Variants in METTL17 observed in about 807,000 individuals in gnomAD.
The protein encoded by METTL17 is ribosome assembly protein METTL17, mitochondrial.
Under a neutral mutation model 59.4 loss-of-function variants are expected in METTL17, and 49 were observed. The ratio of observed to expected loss-of-function variants is 0.82; its 90% confidence interval spans 0.66 to 1.05. The LOEUF is 1.05. METTL17 is among the 50% of genes least tolerant of loss of function. METTL17 has a pLI of 0.00. For synonymous variants in METTL17, 208 were observed against 209.2 expected (o/e 0.99, Z 0.05); for missense variants, 555 against 578.4 (o/e 0.96, Z 0.41).
In METTL17 at chr14:20,995,263, C is replaced by T. The variant is rs371822701; in HGVS notation, c.945+30C>T. ...GGCTTCTTCTTCCCTCACTCCCCCA[C>T]CCATATGGCACCAATTACTGTTACT... On this transcript the variant is annotated intron_variant, in intron 10 of 13. Coordinates refer to ENST00000339374, the MANE Select transcript of METTL17 (RefSeq NM_022734.3). 4.5e-6 allele frequency: 7 copies of T among 1,555,118 alleles called. No homozygotes were observed. In the East Asian group the frequency reaches 1.6e-4, roughly 35 times the overall value.
intron 6 of METTL17, 59 bp from the exon 7 acceptor site, chr14:20,993,910 T>C: frequency 7.4e-7 from 1 of 1,347,328 alleles, no homozygotes; most frequent in Non-Finnish European, 1.1e-6. Flanking sequence ...AATGGGCCTC[T>C]TGTAGAGATG....
intron 7 of METTL17, 145 bp downstream of exon 7, chr14:20,994,208 T>A: frequency 1.6e-6 from 1 of 642,408 alleles, no homozygotes; most frequent in Non-Finnish European, 2.7e-6. Flanking sequence ...CAAAGGGTGG[T>A]ATTAGAGGTT....
At chr14:20,993,373 A>G in intron 6 of METTL17, 182 bp downstream of exon 6, 2 of 493,010 alleles carry the variant, frequency 4.1e-6, no homozygotes, top group East Asian at 3.1e-5. Context: ...CCAGAACTTA[A>G]AAGAAATGTC....
At chr14:20,992,276 T>C in intron 4 of METTL17, 71 bp downstream of exon 4, 2 of 946,016 alleles carry the variant, frequency 2.1e-6, no homozygotes, top group Non-Finnish European at 3.3e-6. Context: ...GGGAGTACAA[T>C]TACACAATCA....
At position 20,993,422 on chromosome 14, in the gene METTL17, AAAG is replaced by A. The variant is rs1880148294; in HGVS notation, c.602+232_602+234del. ...CGCATGTGTAGAAAAATTAAAAAGA[AAAG>A]GAATTATCAATCAAAGTTGTTTTTG... is the stretch of plus-strand genomic sequence containing the variant. On this transcript the variant is annotated intron_variant, in intron 6 of 13. Transcript: ENST00000339374. 34 of 492,780 alleles carry A rather than the reference AAAG, an allele frequency of 6.9e-5. 2 individuals are homozygous for A. The Admixed American group carries it at 1.2e-3, about 18-fold the overall frequency. The allele number at this position is 492,780 out of a possible 1,614,324, so 30.5% of individuals were successfully genotyped here. A position where few individuals can be genotyped will look rare whatever the true frequency, so the allele number is the denominator to read the frequency against.
chr14:20,990,206 C>A, intron 1 of METTL17, 24 bp from the exon 2 acceptor site: 7 of 1,614,058 alleles, frequency 4.3e-6, no homozygotes, highest in South Asian at 2.2e-5. Context: ...GCCAGGAAAT[C>A]AACCTACCTT....
Position 20,994,858 on chromosome 14 carries a change from C to T in METTL17, c.833C>T (p.Thr278Ile), listed in dbSNP as rs200724162. The change falls in exon 9 of 14, where the codon ACT (threonine) becomes ATT (isoleucine). Residue 278 changes from threonine (T) to isoleucine (I), a missense_variant. Physicochemically the swap from Thr to Ile is moderately conservative, Grantham distance 89. Transcript: ENST00000339374. ...LSELPSKADR[T>I]EVVQTLWRKT... is the part of the protein sequence containing the mutation. ...GAACTGCCCAGCAAGGCTGACCGCA[C>T]TGAGGTAGTTCAAACCTTATGGCGT... 217 of 1,614,022 alleles carry T rather than the reference C, an allele frequency of 1.3e-4. 1 individual carries two copies. Among genetic ancestry groups the T allele is most frequent in the Admixed American group, 6.7e-5 (4 of 60,012 alleles).
At chr14:20,991,885 G>A in intron 3 of METTL17, 1 of 407,042 alleles carries the variant, frequency 2.5e-6, no homozygotes, top group Non-Finnish European at 4.4e-6. Flanking sequence ...TGTGGGACAG[G>A]ATTGGTTAAG....
At chr14:20,992,721 C>CG in intron 5 of METTL17, 99 bp downstream of exon 5, 1 of 941,486 alleles carries the variant, frequency 1.1e-6, no homozygotes, top group Non-Finnish European at 1.7e-6. Context: ...ATTGCATATG[C>CG]ATTTTTTTTT....
At chr14:20,995,367 C>A in intron 10 of METTL17, 134 bp downstream of exon 10, 1 of 772,382 alleles carries the variant, frequency 1.3e-6, no homozygotes, top group Non-Finnish European at 2.2e-6. Context: ...CATTATGATA[C>A]AGAGCAGTGG....
At chr14:20,991,219 C>T (rs939219185) in intron 3 of METTL17, among the ~76,000 whole-genome samples, 1 of 152,140 alleles carries the variant, frequency 6.6e-6, no homozygotes, top group East Asian at 1.9e-4. Context: ...AAAATAAAGT[C>T]CCTGGATGGT....
chr14:20,992,552 G>A lies in METTL17; in HGVS notation c.458G>A (p.Gly153Glu). ...YHWQELSYTEGLSLVYMAARL... is the reference protein window; with the variant it reads ...YHWQELSYTEELSLVYMAARL... ...GATTTTAATGGCAGCTACACTGAGG[G>A]ACTGAGCCTGGTGTATATGGCAGCA... Residue 153 changes from glycine to glutamate, a missense_variant, in exon 5 of 14, where the codon GGA (glycine) becomes GAA (glutamate). Physicochemically the swap from Gly to Glu is moderately conservative, Grantham distance 98. Transcript: ENST00000339374. 3 of 1,613,652 alleles carry A rather than the reference G, an allele frequency of 1.9e-6. No homozygotes were observed. Among genetic ancestry groups the A allele is most frequent in the Middle Eastern group, 1.6e-4 (1 of 6,062 alleles).
rs757594488 is a variant in METTL17, at chr14:20,990,214, C to G, written c.76-16C>G. ...CCTTTCTGCCAGGAAATCAACCTACCTTTCTCTGCCTGCAGGCGCTCGCCG... is the reference window on the plus strand; with the variant it reads ...CCTTTCTGCCAGGAAATCAACCTACGTTTCTCTGCCTGCAGGCGCTCGCCG... On this transcript the variant is annotated splice_polypyrimidine_tract_variant and intron_variant, in intron 1 of 13. Coordinates refer to ENST00000339374, the MANE Select transcript of METTL17 (RefSeq NM_022734.3). 8.7e-6 allele frequency: 14 copies of G among 1,614,158 alleles called. No individual in the cohort carries two copies. Among genetic ancestry groups the G allele is most frequent in the Admixed American group, 3.3e-5 (2 of 60,032 alleles).
At chr14:20,990,164 C>T (rs1218060564) in intron 1 of METTL17, 66 bp from the exon 2 acceptor site, 1 of 747,418 alleles carries the variant, frequency 1.3e-6, no homozygotes, top group Non-Finnish European at 1.8e-6. Context: ...TGGCAGCCCC[C>T]GCCCTAGCGA....
rs1024907516 is a variant in METTL17, at chr14:20,994,718, T to G, written c.769-76T>G. 9.1e-6 allele frequency: 14 copies of G among 1,535,230 alleles called. No individual in the cohort carries two copies. In the African/African-American group the frequency reaches 1.5e-4, roughly 16 times the overall value. On this transcript the variant is annotated intron_variant, in intron 8 of 13. Coordinates refer to ENST00000339374, the MANE Select transcript of METTL17 (RefSeq NM_022734.3). The stretch of plus-strand genomic sequence containing the variant: ...CTGAGTGTTAGAAGATAAAAGAAAT[T>G]TAGCGGCTAGGACTTTGTTGTATTC...
In METTL17 at chr14:20,994,771, A is replaced by G. The variant is rs370326619; in HGVS notation, c.769-23A>G. 1.8e-5 allele frequency: 29 copies of G among 1,593,134 alleles called. 1 individual carries two copies. The highest frequency in any genetic ancestry group is 2.4e-5 in the Non-Finnish European group (28 of 1,161,070). ...GGGATGTAGAGATGTTGAGTCTGTC[A>G]TGTTCCTTGTCTTGGTCCTCAGGTG... On this transcript the variant is annotated intron_variant, in intron 8 of 13. Coordinates refer to ENST00000339374, the MANE Select transcript of METTL17 (RefSeq NM_022734.3).
chr14:20,995,853 A>T, intron 10 of METTL17, 48 bp from the exon 11 acceptor site: 1 of 1,523,300 alleles, frequency 6.6e-7, no homozygotes, highest in South Asian at 1.1e-5. Flanking sequence ...GAATTATGAA[A>T]ATAGACCCTT....
In METTL17 at chr14:20,990,440, C is replaced by A. The variant is rs781196860; in HGVS notation, c.230-24C>A. The A allele has an allele frequency of 4.3e-6, 7 of 1,613,710 alleles. No individual in the cohort carries two copies. In the South Asian group the frequency reaches 6.6e-5, roughly 15 times the overall value. On this transcript the variant is annotated intron_variant, in intron 2 of 13. Coordinates refer to ENST00000339374, the MANE Select transcript of METTL17 (RefSeq NM_022734.3). ...GGACTGGACCTACATGCAAGTGATT[C>A]CGCTTTTCGTCTTTGGCCCATAGGG... is the stretch of plus-strand genomic sequence containing the variant.
Position 20,990,232 on chromosome 14 carries a change from G to A in METTL17, c.78G>A (p.Ala26=). The change falls in exon 2 of 14, where the codon GCG becomes GCA. Residue 26 remains alanine (A), a splice_region_variant and synonymous_variant. Coordinates refer to ENST00000339374, the MANE Select transcript of METTL17 (RefSeq NM_022734.3). ...PGLGVAPQAR[A]LAALVPGVTQ... ...AACCTACCTTTCTCTGCCTGCAGGC[G>A]CTCGCCGCCTTAGTACCCGGAGTGA... 1 of 1,614,176 alleles carries A rather than the reference G, an allele frequency of 6.2e-7. No homozygotes were observed.
Sources: gnomAD v4.1 joint callset for allele counts (sites outside exome capture counted in the v4.1 genomes callset) on GRCh38, gnomAD v4.1.1 for gene constraint, MANE v1.5 for transcripts, NCBI Gene and HGNC (gene_info 2026-07-23, HGNC 2026-07-21) for gene names.